AMOTL1: variants seen among roughly 807,000 people sequenced by gnomAD.
AMOTL1 encodes the protein angiomotin-like protein 1.
In AMOTL1, 45 loss-of-function variants were observed where a neutral mutation model predicts 102.9. The ratio of observed to expected loss-of-function variants is 0.44; its 90% CI spans 0.34 to 0.56. The LOEUF (loss-of-function observed/expected upper bound fraction) is 0.56, where lower values mean the gene tolerates loss of function less well. AMOTL1 is among the 20% of genes least tolerant of loss of function. AMOTL1 has a pLI of 0.01. For missense variants in AMOTL1, 1,114 were observed against 1,225.6 expected, an observed-to-expected ratio of 0.91 and a Z score of 1.36; for synonymous variants, 481 against 484.7, an observed-to-expected ratio of 0.99 and a Z score of 0.10.
intron 3 of AMOTL1, among the ~76,000 whole-genome samples, chr11:94,760,050 A>T (rs1414663726): frequency 6.6e-6 from 1 of 152,248 alleles, no homozygotes; most frequent in Non-Finnish European, 1.5e-5. Context: ...TGTTTTAGCA[A>T]GCCCTTCAGG....
At chr11:94,836,322 C>G (rs1167221054) in intron 6 of AMOTL1, among the ~76,000 whole-genome samples, 1 of 152,202 alleles carries the variant, frequency 6.6e-6, no homozygotes, top group Non-Finnish European at 1.5e-5. Flanking sequence ...ATGGACCAAT[C>G]AGCACTAGTG....
At chr11:94,813,609 G>A (rs1951718493) in intron 3 of AMOTL1, among the ~76,000 whole-genome samples, 1 of 152,100 alleles carries the variant, frequency 6.6e-6, no homozygotes, top group African/African-American at 2.4e-5. Context: ...CATCTCTTTA[G>A]ACACAAAGCA....
At chr11:94,760,806 C>G (rs879592778) in intron 3 of AMOTL1, among the ~76,000 whole-genome samples, 20 of 152,174 alleles carry the variant, frequency 1.3e-4, no homozygotes, top group Non-Finnish European at 2.6e-4. Flanking sequence ...TGTGGATTAT[C>G]AATGTAATCA....
intron 1 of AMOTL1, among the ~76,000 whole-genome samples, chr11:94,770,720 T>A (rs1425110894): frequency 2.6e-5 from 4 of 152,208 alleles, no homozygotes; most frequent in Non-Finnish European, 5.9e-5. Flanking sequence ...TAAAAATACA[T>A]CTTTTCACGG....
intron 1 of AMOTL1, among the ~76,000 whole-genome samples, chr11:94,712,337 C>T (rs1204810443): frequency 6.6e-6 from 1 of 152,018 alleles, no homozygotes; most frequent in Non-Finnish European, 1.5e-5. Flanking sequence ...TTACCATATA[C>T]AAACATTCAC....
chr11:94,744,361 C>T (rs1950564759), intron 3 of AMOTL1, among the ~76,000 whole-genome samples: 1 of 152,210 alleles, frequency 6.6e-6, no homozygotes, highest in Non-Finnish European at 1.5e-5. Context: ...GGGTCCAAAG[C>T]ACAGGAGCTT....
intron 11 of AMOTL1, among the ~76,000 whole-genome samples, chr11:94,868,839 A>G (rs1952934055): frequency 6.6e-6 from 1 of 151,970 alleles, no homozygotes; most frequent in Admixed American, 6.6e-5. Context: ...GCTGGCAATT[A>G]GGCACTTCTC....
intron 3 of AMOTL1, among the ~76,000 whole-genome samples, chr11:94,801,135 C>CT (rs1360781421): frequency 3.3e-5 from 5 of 152,162 alleles, no homozygotes; most frequent in Non-Finnish European, 7.3e-5. Flanking sequence ...TAACTCACAA[C>CT]TGGAGGGGCT....
chr11:94,851,205 C>T (rs2135711515), intron 7 of AMOTL1, among the ~76,000 whole-genome samples: 1 of 152,336 alleles, frequency 6.6e-6, no homozygotes, highest in Admixed American at 6.5e-5. Context: ...ACCTCAACCC[C>T]TTAAAGACAG....
chr11:94,751,022 C>G (rs924884603), intron 3 of AMOTL1, among the ~76,000 whole-genome samples: 1 of 149,972 alleles, frequency 6.7e-6, no homozygotes, highest in African/African-American at 2.4e-5. Flanking sequence ...AGATTAGATT[C>G]AACATCTAAT....
chr11:94,840,681 T>TATATATATATATATATATACAC (rs1166713705), intron 6 of AMOTL1, among the ~76,000 whole-genome samples: 3 of 104,808 alleles, frequency 2.9e-5, no homozygotes, highest in South Asian at 3.3e-4. Flanking sequence ...TATATATATA[T>TATATATATATATATATATACAC]ACACACACAC....
intron 3 of AMOTL1, among the ~76,000 whole-genome samples, chr11:94,754,993 C>T (rs1419656679): frequency 6.6e-6 from 1 of 152,164 alleles, no homozygotes; most frequent in African/African-American, 2.4e-5. Context: ...TGGATTTTGG[C>T]TTGCTCTTAG....
At chr11:94,839,265 G>T (rs1952247308) in intron 6 of AMOTL1, among the ~76,000 whole-genome samples, 1 of 152,216 alleles carries the variant, frequency 6.6e-6, no homozygotes, top group South Asian at 2.1e-4. Flanking sequence ...TTTAACAACG[G>T]TAACAGCTGC....
chr11:94,865,396 C>T (rs1952860527), intron 10 of AMOTL1, among the ~76,000 whole-genome samples: 1 of 152,150 alleles, frequency 6.6e-6, no homozygotes, highest in Non-Finnish European at 1.5e-5. Context: ...TCTTATTTTG[C>T]AGATGTGAAA....
chr11:94,818,044 A>G (rs1951795382), intron 3 of AMOTL1, among the ~76,000 whole-genome samples: 1 of 152,166 alleles, frequency 6.6e-6, no homozygotes, highest in Admixed American at 6.5e-5. Flanking sequence ...TTTGAAAACT[A>G]TTTGCAAGTA....
At chr11:94,864,152 G>A (rs375440219) in intron 9 of AMOTL1, among the ~76,000 whole-genome samples, 1 of 152,134 alleles carries the variant, frequency 6.6e-6, no homozygotes, top group Non-Finnish European at 1.5e-5. Flanking sequence ...ATTCTATGCT[G>A]TATGGATGAT....
At chr11:94,780,489 A>G (rs1951094565) in intron 1 of AMOTL1, among the ~76,000 whole-genome samples, 1 of 152,240 alleles carries the variant, frequency 6.6e-6, no homozygotes, top group Non-Finnish European at 1.5e-5. Context: ...ATAGTTTGTT[A>G]GCTGAATAGT....
chr11:94,708,121 CT>C (rs1949960110), intron 1 of AMOTL1, among the ~76,000 whole-genome samples: 1 of 152,190 alleles, frequency 6.6e-6, no homozygotes, highest in Admixed American at 6.5e-5. Context: ...CATCAACACG[CT>C]TTGCCTGAGT....
chr11:94,738,009 T>C (rs928836363), intron 2 of AMOTL1, among the ~76,000 whole-genome samples: 4 of 152,246 alleles, frequency 2.6e-5, no homozygotes, highest in Admixed American at 2.0e-4. Context: ...CATAGTAGTA[T>C]GTCTGTATAC....
Sources: gnomAD v4.1 joint callset for allele counts (sites outside exome capture counted in the v4.1 genomes callset) on GRCh38, gnomAD v4.1.1 for gene constraint, MANE v1.5 for transcripts, NCBI Gene and HGNC (gene_info 2026-07-23, HGNC 2026-07-21) for gene names.